Variants in PPA2 observed in about 807,000 individuals in gnomAD.
PPA2 encodes inorganic pyrophosphatase 2.
A neutral mutation model predicts 49.5 loss-of-function variants in PPA2; 48 were observed. That is an observed-to-expected ratio of 0.97 (90% confidence interval 0.77 to 1.23). The LOEUF is 1.23. Among genes scored for constraint, PPA2 ranks in the 50% most tolerant of loss-of-function variants. PPA2 has a pLI of 0.00. For missense variants in PPA2, 429 were observed against 410.1 expected (o/e 1.05, Z -0.40); for synonymous variants, 131 against 139.9 (o/e 0.94, Z 0.45).
intron 10 of PPA2, among the ~76,000 whole-genome samples, chr4:105,378,564 T>G (rs1450971473): frequency 6.6e-6 from 1 of 152,122 alleles, no homozygotes; most frequent in Non-Finnish European, 1.5e-5. Flanking sequence ...TAAGAATGCC[T>G]TTTGTAGAAC....
At chr4:105,432,260 A>G (rs747361839) in intron 6 of PPA2, among the ~76,000 whole-genome samples, 6 of 152,192 alleles carry the variant, frequency 3.9e-5, no homozygotes, top group Non-Finnish European at 5.9e-5. Flanking sequence ...CCTACCTTCA[A>G]GTTTATTCTA....
intron 4 of PPA2, among the ~76,000 whole-genome samples, chr4:105,448,519 A>C (rs1481256404): frequency 3.3e-5 from 5 of 151,976 alleles, no homozygotes; most frequent in Non-Finnish European, 7.4e-5. Flanking sequence ...AGAAAGAACA[A>C]GAAAATTCTG....
chr4:105,414,524 C>A (rs1216559061), intron 7 of PPA2, among the ~76,000 whole-genome samples: 1 of 152,188 alleles, frequency 6.6e-6, no homozygotes, highest in Non-Finnish European at 1.5e-5. Context: ...CGGCTCCCTG[C>A]GAGGCTGCAG....
Position 105,438,021 on chromosome 4 carries a change from G to A in PPA2, c.457C>T (p.His153Tyr), listed in dbSNP as rs1724144906. The stretch of plus-strand genomic sequence containing the variant: ...CAGTTCGTGCTCTTATCTTTTTCAT[G>A]GGGATCTTCCCAAGTCTAAAATTTT... Reference protein sequence around the residue: ...GTLPQTWEDPHEKDKSTNCFG... With the variant: ...GTLPQTWEDPYEKDKSTNCFG... The change falls in exon 6 of 12, where the codon CAT becomes TAT. Residue 153 changes from histidine (H) to tyrosine (Y), a missense_variant. Transcript: ENST00000341695. The A allele has an allele frequency of 6.2e-7, 1 of 1,604,180 alleles. No individual in the cohort carries two copies. Among genetic ancestry groups the A allele is most frequent in the Non-Finnish European group, 8.5e-7 (1 of 1,177,296 alleles).
chr4:105,427,931 G>A (rs1276244080), intron 6 of PPA2, among the ~76,000 whole-genome samples: 2 of 152,182 alleles, frequency 1.3e-5, no homozygotes, highest in Non-Finnish European at 2.9e-5. Context: ...GGGAAAAAAT[G>A]TTAAGGGCAG....
At chr4:105,471,184 T>C (rs1262685125) in intron 1 of PPA2, among the ~76,000 whole-genome samples, 1 of 152,126 alleles carries the variant, frequency 6.6e-6, no homozygotes, top group African/African-American at 2.4e-5. Flanking sequence ...GTCTGGAAAA[T>C]GATCATCTGG....
At chr4:105,411,975 T>C (rs747878608) in intron 7 of PPA2, among the ~76,000 whole-genome samples, 4 of 152,156 alleles carry the variant, frequency 2.6e-5, no homozygotes, top group Non-Finnish European at 5.9e-5. Context: ...TCCATGCTCA[T>C]GGATAGGAAG....
At chr4:105,470,483 T>C (rs1307862691) in intron 1 of PPA2, among the ~76,000 whole-genome samples, 1 of 152,068 alleles carries the variant, frequency 6.6e-6, no homozygotes, top group African/African-American at 2.4e-5. Context: ...AGACCCCATC[T>C]CTAAACAAAC....
At chr4:105,386,462 C>T (rs1733686756) in intron 10 of PPA2, 105 bp downstream of exon 10, 4 of 955,528 alleles carry the variant, frequency 4.2e-6, no homozygotes, top group East Asian at 5.5e-5. Flanking sequence ...CTTTATGCTT[C>T]TCAAAAGGAC....
At chr4:105,426,716 G>A (rs2726499) in intron 6 of PPA2, among the ~76,000 whole-genome samples, 56,871 of 152,168 alleles carry the variant, frequency 0.37, 12,592 homozygotes, top group East Asian at 0.67. Context: ...TGAACTGGGC[G>A]GAGCCCACCA....
chr4:105,409,998 C>T (rs1459933841), intron 7 of PPA2, among the ~76,000 whole-genome samples: 1 of 152,124 alleles, frequency 6.6e-6, no homozygotes, highest in Non-Finnish European at 1.5e-5. Context: ...AACCAGAGCA[C>T]CTCTCCTCTT....
intron 5 of PPA2, 142 bp downstream of exon 5, chr4:105,446,237 CTCCA>C (rs1034832193): frequency 2.5e-6 from 2 of 800,504 alleles, no homozygotes; most frequent in African/African-American, 3.6e-5. Flanking sequence ...TATACTAAAA[CTCCA>C]TCCACGTTAA....
intron 6 of PPA2, among the ~76,000 whole-genome samples, chr4:105,424,864 G>A (rs1195487569): frequency 2.0e-5 from 3 of 152,120 alleles, no homozygotes; most frequent in South Asian, 2.1e-4. Flanking sequence ...TTTGAGACAC[G>A]GATTAAACAC....
At chr4:105,385,403 T>C (rs1733639938) in intron 10 of PPA2, among the ~76,000 whole-genome samples, 1 of 148,804 alleles carries the variant, frequency 6.7e-6, no homozygotes, top group South Asian at 2.1e-4. Context: ...AGCTGACACA[T>C]CAGTAAAAAA....
rs759608902 is a variant in PPA2, at chr4:105,456,303, A to G, written c.222+378T>C. On this transcript the variant is annotated intron_variant, in intron 2 of 11. Coordinates refer to ENST00000341695, the MANE Select transcript of PPA2 (RefSeq NM_176869.3). ...TGAGCCTCAGTGTCCTTGGAAAGAA[A>G]AATAGCAACTCATAACAATTAAATA... 16 of 457,772 alleles carry G rather than the reference A, an allele frequency of 3.5e-5. 1 individual carries two copies. The highest frequency in any genetic ancestry group is 2.0e-4 in the South Asian group (13 of 64,062). 28.4% of individuals were successfully genotyped at this position (457,772 alleles called of 1,614,324 possible).
At chr4:105,460,109 T>G (rs1723024151) in intron 1 of PPA2, among the ~76,000 whole-genome samples, 1 of 152,200 alleles carries the variant, frequency 6.6e-6, no homozygotes, top group South Asian at 2.1e-4. Context: ...TAAGAAGACA[T>G]ACACAGTAAG....
At chr4:105,463,523 A>C (rs1211648119) in intron 1 of PPA2, among the ~76,000 whole-genome samples, 1 of 152,256 alleles carries the variant, frequency 6.6e-6, no homozygotes, top group Non-Finnish European at 1.5e-5. Flanking sequence ...AATTTGCATA[A>C]GTAACAAGAA....
intron 10 of PPA2, among the ~76,000 whole-genome samples, chr4:105,379,531 C>T (rs532285042): frequency 1.3e-5 from 2 of 151,798 alleles, no homozygotes; most frequent in South Asian, 4.1e-4. Context: ...TGGCATGATC[C>T]TGACTCACTG....
intron 5 of PPA2, among the ~76,000 whole-genome samples, chr4:105,445,212 G>C (rs898632441): frequency 6.6e-6 from 1 of 152,128 alleles, no homozygotes; most frequent in Non-Finnish European, 1.5e-5. Context: ...GTTTTTGTCT[G>C]TCTCTAATTC....
Sources: gnomAD v4.1 joint callset for allele counts (sites outside exome capture counted in the v4.1 genomes callset) on GRCh38, gnomAD v4.1.1 for gene constraint, MANE v1.5 for transcripts, NCBI Gene and HGNC (gene_info 2026-07-23, HGNC 2026-07-21) for gene names.